Variants in PCDHGA8 observed in about 807,000 individuals in gnomAD.
PCDHGA8 encodes the protein protocadherin gamma subfamily A, 8.
A neutral mutation model predicts 59.2 loss-of-function variants in PCDHGA8; 45 were observed. The ratio of observed to expected loss-of-function variants is 0.76; its 90% CI spans 0.60 to 0.98. PCDHGA8 has a LOEUF of 0.98. PCDHGA8 is among the 50% of genes least tolerant of loss of function. The probability of loss-of-function intolerance (pLI) is 0.00; values close to 1 mark genes in which losing one functional copy is unlikely to be tolerated. For missense variants in PCDHGA8, 1,257 were observed against 1,196.2 expected, an observed-to-expected ratio of 1.05 and a Z score of -0.75; for synonymous variants, 531 against 519.0, an observed-to-expected ratio of 1.02 and a Z score of -0.32.
At chr5:141,482,366 AT>A (rs1425349819) in intron 1 of PCDHGA8, among the ~76,000 whole-genome samples, 1 of 152,150 alleles carries the variant, frequency 6.6e-6, no homozygotes, top group Non-Finnish European at 1.5e-5. Flanking sequence ...GTGAAAAGTA[AT>A]GCATATAAAG....
intron 1 of PCDHGA8, chr5:141,478,676 G>A (rs540780497): frequency 6.4e-7 from 1 of 1,551,522 alleles, no homozygotes; most frequent in African/African-American, 1.4e-5. Flanking sequence ...CTTTCAACTG[G>A]CCCTTCCTAG....
intron 1 of PCDHGA8, chr5:141,399,670 G>A (rs2093861747): frequency 6.2e-7 from 1 of 1,613,610 alleles, no homozygotes; most frequent in Non-Finnish European, 8.5e-7. Flanking sequence ...CGCGCAGCGC[G>A]CCTTTGACTA....
At chr5:141,433,257 G>C (rs764036349) in intron 1 of PCDHGA8, 3 of 1,385,416 alleles carry the variant, frequency 2.2e-6, no homozygotes, top group Non-Finnish European at 3.0e-6. Flanking sequence ...GCAGCGGTAC[G>C]ATCATAGCTC....
At chr5:141,509,169 T>C (rs1321257504) in intron 3 of PCDHGA8, among the ~76,000 whole-genome samples, 2 of 152,174 alleles carry the variant, frequency 1.3e-5, no homozygotes, top group African/African-American at 4.8e-5. Context: ...TGTGCCCTCC[T>C]CCTCTTATGC....
chr5:141,487,848 G>C lies in PCDHGA8; in HGVS notation c.2425-6959G>C. ...TCATGCCTATATCTGAGTAAGAAAT[G>C]AAAGTAATTGGTGATCAAGAGCCAG... is the stretch of plus-strand genomic sequence containing the variant. On this transcript the variant is annotated intron_variant, in intron 1 of 3. Coordinates refer to ENST00000398604, the MANE Select transcript of PCDHGA8 (RefSeq NM_032088.2). The surrounding 1 kb of genome is among the most constrained non-coding windows in gnomAD (Gnocchi z 5.0). 1 of 1,022,244 alleles carries C rather than the reference G, an allele frequency of 9.8e-7. No homozygotes were observed. The highest frequency in any genetic ancestry group is 1.4e-6 in the Non-Finnish European group (1 of 711,992). The allele number at this position is 1,022,244 out of a possible 1,614,324, so 63.3% of individuals were successfully genotyped here. A position where few individuals can be genotyped will look rare whatever the true frequency, so the allele number is the denominator to read the frequency against.
rs1301787934 is a variant in PCDHGA8 at position 141,476,164 on chromosome 5, A to G, written c.2425-18643A>G. Reference sequence around the variant, plus strand: ...GCGGACTGGTAAGCACCGGGAGGGTAGTGGGAGTTTTGCTTCTGCTTGGTG... The same window carrying G: ...GCGGACTGGTAAGCACCGGGAGGGTGGTGGGAGTTTTGCTTCTGCTTGGTG... On this transcript the variant is annotated intron_variant, in intron 1 of 3. Transcript: ENST00000398604. This position sits in a 1 kb window ranked among gnomAD's most constrained non-coding sequence, Gnocchi z 7.6. 6.2e-7 allele frequency: 1 copy of G among 1,613,116 alleles called. No individual in the cohort carries two copies.
intron 1 of PCDHGA8, among the ~76,000 whole-genome samples, chr5:141,464,444 T>C (rs2099084887): frequency 6.6e-6 from 1 of 151,634 alleles, no homozygotes; most frequent in East Asian, 1.9e-4. Context: ...TGTTTGTTGT[T>C]GTTGTTGTTA....
Position 141,487,564 on chromosome 5 carries a change from G to A in PCDHGA8, c.2425-7243G>A, listed in dbSNP as rs1436847912. ...AGTCACCCAGTGCACCTATGGCAGG[G>A]GAGCCTGTTCGCCCAAGCTGCCCAC... On this transcript the variant is annotated intron_variant, in intron 1 of 3. Coordinates refer to ENST00000398604, the MANE Select transcript of PCDHGA8 (RefSeq NM_032088.2). This position sits in a 1 kb window ranked among gnomAD's most constrained non-coding sequence, Gnocchi z 5.0. 3 of 1,614,178 alleles carry A rather than the reference G, an allele frequency of 1.9e-6. No homozygotes were observed. Among genetic ancestry groups the A allele is most frequent in the Non-Finnish European group, 2.5e-6 (3 of 1,180,040 alleles).
rs568123995 is a variant in PCDHGA8 at position 141,511,539 on chromosome 5, C to G, written c.*366C>G. The G allele has an allele frequency of 3.0e-5, 10 of 328,342 alleles. No individual in the cohort carries two copies. The highest frequency in any genetic ancestry group is 2.1e-4 in the African/African-American group (10 of 47,452). The allele number at this position is 328,342 out of a possible 1,614,324, so 20.3% of individuals were successfully genotyped here. ...CATCCCATGCCTCCCTCCTCCCCAC[C>G]CCACTCCAACAGTTCCTCTTTCCCG... On this transcript the variant is annotated 3_prime_UTR_variant, in exon 4 of 4. Transcript: ENST00000398604.
intron 2 of PCDHGA8, among the ~76,000 whole-genome samples, chr5:141,501,057 C>T (rs185929124): frequency 9.7e-4 from 147 of 151,960 alleles, no homozygotes; most frequent in African/African-American, 3.4e-3. Context: ...TTAGTAGAGA[C>T]GGGGTTTCAC....
chr5:141,492,873 C>G (rs2099744714), intron 1 of PCDHGA8, among the ~76,000 whole-genome samples: 1 of 152,182 alleles, frequency 6.6e-6, no homozygotes, highest in Non-Finnish European at 1.5e-5. Context: ...CTCTCAACCC[C>G]CAGAGATACA....
Position 141,393,647 on chromosome 5 carries a change from A to T in PCDHGA8, c.834A>T (p.Ala278=). Residue 278 remains alanine (A), a synonymous_variant, in exon 1 of 4, where the codon GCA becomes GCT. Coordinates refer to ENST00000398604, the MANE Select transcript of PCDHGA8 (RefSeq NM_032088.2). ...DPDEGINGKV[A]YKFRKINEKQ... Reference sequence around the variant, plus strand: ...ATGAGGGAATCAACGGAAAAGTGGCATACAAATTCCGGAAAATTAATGAAA... The same window carrying T: ...ATGAGGGAATCAACGGAAAAGTGGCTTACAAATTCCGGAAAATTAATGAAA... 1 of 1,613,964 alleles carries T rather than the reference A, an allele frequency of 6.2e-7. No homozygotes were observed. The highest frequency in any genetic ancestry group is 8.5e-7 in the Non-Finnish European group (1 of 1,179,908).
At chr5:141,406,332 G>A (rs957923011) in intron 1 of PCDHGA8, among the ~76,000 whole-genome samples, 4 of 152,142 alleles carry the variant, frequency 2.6e-5, no homozygotes, top group East Asian at 1.9e-4. Context: ...TTACTCCTAC[G>A]ATCATTTATT....
chr5:141,393,622 A>C lies in PCDHGA8; in HGVS notation c.809A>C (p.Asp270Ala), dbSNP rs776047060. Reference sequence around the variant, plus strand: ...CTTACTGTAACAGCCAGCGACCCGGATGAGGGAATCAACGGAAAAGTGGCA... The same window carrying C: ...CTTACTGTAACAGCCAGCGACCCGGCTGAGGGAATCAACGGAAAAGTGGCA... ...RLLTVTASDP[D>A]EGINGKVAYK... The change falls in exon 1 of 4, where the codon GAT becomes GCT. Residue 270 changes from aspartate (D) to alanine (A), a missense_variant. Asp to Ala is a moderately radical substitution (Grantham distance 126). Coordinates refer to ENST00000398604, the MANE Select transcript of PCDHGA8 (RefSeq NM_032088.2). 1 of 1,613,960 alleles carries C rather than the reference A, an allele frequency of 6.2e-7. No individual in the cohort carries two copies. Among genetic ancestry groups the C allele is most frequent in the Admixed American group, 1.7e-5 (1 of 60,032 alleles).
intron 1 of PCDHGA8, among the ~76,000 whole-genome samples, chr5:141,437,976 T>G (rs1182220385): frequency 1.3e-5 from 2 of 152,096 alleles, no homozygotes; most frequent in Non-Finnish European, 2.9e-5. Flanking sequence ...GATCTTGGGA[T>G]GCACCCACCC....
chr5:141,487,438 G>A lies in PCDHGA8; in HGVS notation c.2425-7369G>A, dbSNP rs2154580826. 6 of 1,614,174 alleles carry A rather than the reference G, an allele frequency of 3.7e-6. No individual in the cohort carries two copies. Among genetic ancestry groups the A allele is most frequent in the East Asian group, 2.2e-5 (1 of 44,866 alleles). On this transcript the variant is annotated intron_variant, in intron 1 of 3. Transcript: ENST00000398604. This position sits in a 1 kb window ranked among gnomAD's most constrained non-coding sequence, Gnocchi z 5.0. The stretch of plus-strand genomic sequence containing the variant: ...ATGGGATCCTCCGAATCCAGCTAGG[G>A]TCAGATGACCCTATCAAGTTTGTTG...
intron 1 of PCDHGA8, chr5:141,412,954 C>A (rs2095592297): frequency 2.1e-6 from 1 of 482,442 alleles, no homozygotes; most frequent in Non-Finnish European, 3.6e-6. Flanking sequence ...CGCCGCTGTT[C>A]ACCTACTAGG....
At chr5:141,418,499 G>A (rs775606988) in intron 1 of PCDHGA8, 1 of 1,613,962 alleles carries the variant, frequency 6.2e-7, no homozygotes, top group Non-Finnish European at 8.5e-7. Context: ...GGTACTGACC[G>A]CCTTAGATGG....
intron 1 of PCDHGA8, chr5:141,419,989 T>C (rs778087109): frequency 4.1e-5 from 66 of 1,613,962 alleles, no homozygotes; most frequent in Non-Finnish European, 5.2e-5. Context: ...TGATTCTAGC[T>C]ATTGCTCTAC....
Sources: gnomAD v4.1 joint callset for allele counts (sites outside exome capture counted in the v4.1 genomes callset) on GRCh38, gnomAD v4.1.1 for gene constraint, Gnocchi (gnomAD v3.1) non-coding constraint, MANE v1.5 for transcripts, NCBI Gene and HGNC (gene_info 2026-07-23, HGNC 2026-07-21) for gene names.